Variants in MDGA2 observed in about 807,000 individuals in gnomAD.
The protein encoded by MDGA2 is MAM domain-containing glycosylphosphatidylinositol anchor protein 2.
MDGA2 carries 40 observed loss-of-function variants against 117.8 expected under a neutral mutation model. The ratio of observed to expected loss-of-function variants is 0.34; its 90% CI spans 0.26 to 0.44. MDGA2 has a LOEUF of 0.44. MDGA2 is among the 20% of genes least tolerant of loss of function. MDGA2 has a pLI of 1.00. For synonymous variants in MDGA2, 452 were observed against 439.0 expected (o/e 1.03, Z -0.37); for missense variants, 1,123 against 1,250.6 (o/e 0.90, Z 1.54).
At chr14:47,666,727 T>C (rs1897978123) in intron 1 of MDGA2, among the ~76,000 whole-genome samples, 1 of 152,168 alleles carries the variant, frequency 6.6e-6, no homozygotes, top group Non-Finnish European at 1.5e-5. Flanking sequence ...TTCCACACTG[T>C]GGAAGCTTTG....
At chr14:47,337,392 C>G (rs1323529681) in intron 1 of MDGA2, among the ~76,000 whole-genome samples, 1 of 152,072 alleles carries the variant, frequency 6.6e-6, no homozygotes, top group Non-Finnish European at 1.5e-5. Flanking sequence ...ACTGGCTATT[C>G]TTCTTTCTGA....
intron 1 of MDGA2, among the ~76,000 whole-genome samples, chr14:47,546,606 C>T (rs1895467556): frequency 6.6e-6 from 1 of 152,106 alleles, no homozygotes; most frequent in Admixed American, 6.6e-5. Flanking sequence ...AGAAGTTTTG[C>T]TTTGCCACTA....
At chr14:47,381,179 C>G (rs1405049185) in intron 1 of MDGA2, among the ~76,000 whole-genome samples, 1 of 152,162 alleles carries the variant, frequency 6.6e-6, no homozygotes, top group East Asian at 1.9e-4. Flanking sequence ...GCTAAAAACT[C>G]TCAATAAACT....
intron 1 of MDGA2, among the ~76,000 whole-genome samples, chr14:47,540,540 G>GTGTGTGTATATATA: frequency 1.3e-5 from 1 of 79,218 alleles, no homozygotes; most frequent in African/African-American, 3.9e-5. Flanking sequence ...GTGTGTGTGT[G>GTGTGTGTATATATA]TATATATATA....
At chr14:47,335,738 A>ATTT (rs1566743883) in intron 1 of MDGA2, among the ~76,000 whole-genome samples, 1 of 59,976 alleles carries the variant, frequency 1.7e-5, no homozygotes, top group East Asian at 8.6e-4. Context: ...TATATTTTAT[A>ATTT]TATATATATA....
At chr14:47,148,106 C>A in intron 3 of MDGA2, among the ~76,000 whole-genome samples, 1 of 152,092 alleles carries the variant, frequency 6.6e-6, no homozygotes, top group East Asian at 1.9e-4. Context: ...CTGGTCACTC[C>A]CACCAGGATA....
intron 1 of MDGA2, among the ~76,000 whole-genome samples, chr14:47,332,176 G>T (rs558922797): frequency 6.6e-6 from 1 of 151,936 alleles, no homozygotes; most frequent in Non-Finnish European, 1.5e-5. Context: ...TTCCATACAA[G>T]GTGATCATAT....
intron 8 of MDGA2, among the ~76,000 whole-genome samples, chr14:46,973,378 T>G (rs1886340220): frequency 6.6e-6 from 1 of 152,158 alleles, no homozygotes; most frequent in African/African-American, 2.4e-5. Context: ...AAGGAAGTAG[T>G]GCATCAACTT....
At chr14:47,242,735 T>C (rs562422702) in intron 2 of MDGA2, among the ~76,000 whole-genome samples, 2 of 151,778 alleles carry the variant, frequency 1.3e-5, no homozygotes, top group South Asian at 4.2e-4. Context: ...ACCCACTCCA[T>C]GGGCCCCTGT....
intron 1 of MDGA2, among the ~76,000 whole-genome samples, chr14:47,411,221 C>G (rs1892365852): frequency 6.6e-6 from 1 of 152,006 alleles, no homozygotes; most frequent in South Asian, 2.1e-4. Flanking sequence ...CCATAAACGT[C>G]CTTTTTTTTT....
intron 1 of MDGA2, among the ~76,000 whole-genome samples, chr14:47,602,505 A>G (rs1896666821): frequency 6.6e-6 from 1 of 152,192 alleles, no homozygotes; most frequent in Non-Finnish European, 1.5e-5. Context: ...ACAACAGGAA[A>G]AAAGAGACCA....
At chr14:47,394,815 G>A (rs1162195460) in intron 1 of MDGA2, among the ~76,000 whole-genome samples, 1 of 152,074 alleles carries the variant, frequency 6.6e-6, no homozygotes, top group African/African-American at 2.4e-5. Context: ...GTTTTAAAAT[G>A]AATAATTTTT....
At chr14:47,093,793 C>A (rs1879806539) in intron 6 of MDGA2, among the ~76,000 whole-genome samples, 2 of 152,014 alleles carry the variant, frequency 1.3e-5, no homozygotes, top group African/African-American at 4.8e-5. Context: ...TTATTTCTAT[C>A]AGCACTCTAC....
chr14:47,394,047 G>A (rs1891953848), intron 1 of MDGA2, among the ~76,000 whole-genome samples: 1 of 151,898 alleles, frequency 6.6e-6, no homozygotes, highest in Non-Finnish European at 1.5e-5. Flanking sequence ...GCATATTCTG[G>A]CTCCCTTTTT....
chr14:47,279,478 G>A (rs1453995494), intron 2 of MDGA2, among the ~76,000 whole-genome samples: 3 of 151,928 alleles, frequency 2.0e-5, no homozygotes, highest in Admixed American at 6.6e-5. Flanking sequence ...TTGGATATAA[G>A]CTGTAAATAT....
At chr14:47,653,739 A>G (rs1566560446) in intron 1 of MDGA2, among the ~76,000 whole-genome samples, 1 of 152,176 alleles carries the variant, frequency 6.6e-6, no homozygotes, top group Non-Finnish European at 1.5e-5. Context: ...GGGTCTCAGA[A>G]AGTGCAAGAC....
chr14:47,419,531 A>G (rs8014767), intron 1 of MDGA2, among the ~76,000 whole-genome samples: 5,955 of 152,048 alleles, frequency 0.039, 160 homozygotes, highest in Middle Eastern at 0.072. Flanking sequence ...AATAAACTTG[A>G]TTTATTATGT....
At chr14:47,255,094 G>A (rs1206576493) in intron 2 of MDGA2, among the ~76,000 whole-genome samples, 2 of 152,118 alleles carry the variant, frequency 1.3e-5, no homozygotes, top group Admixed American at 6.5e-5. Flanking sequence ...ACATTTGGGT[G>A]GGGACACAAC....
intron 7 of MDGA2, among the ~76,000 whole-genome samples, chr14:47,042,938 G>A (rs1036599509): frequency 3.9e-5 from 6 of 151,982 alleles, no homozygotes; most frequent in Non-Finnish European, 8.8e-5. Context: ...AGATTTAGAA[G>A]AATTGCCTTA....
Sources: allele counts gnomAD v4.1 joint callset (sites outside exome capture counted in the v4.1 genomes callset), GRCh38; gene constraint gnomAD v4.1.1; transcripts MANE v1.5; gene names NCBI Gene and HGNC (gene_info 2026-07-23, HGNC 2026-07-21).